The following TIAM1 variants were observed in gnomAD, a reference collection of about 807,000 sequenced individuals.
TIAM1 encodes rho guanine nucleotide exchange factor TIAM1.
A neutral mutation model predicts 163.5 loss-of-function variants in TIAM1; 65 were observed. The ratio of observed to expected loss-of-function variants is 0.40; its 90% CI spans 0.33 to 0.49. The LOEUF is 0.49. Ranked by LOEUF, TIAM1 falls within the 20% of genes least tolerant of loss-of-function variation. The pLI is 0.77. For synonymous variants in TIAM1, 833 were observed against 810.1 expected, an observed-to-expected ratio of 1.03 and a Z score of -0.48; for missense variants, 1,789 against 2,044.7, an observed-to-expected ratio of 0.87 and a Z score of 2.41.
At chr21:31,355,603 G>C (rs1273073820) in intron 2 of TIAM1, among the ~76,000 whole-genome samples, 2 of 151,662 alleles carry the variant, frequency 1.3e-5, no homozygotes, top group Non-Finnish European at 2.9e-5. Flanking sequence ...TCAGGCTGGA[G>C]TGCAGTGATG....
At chr21:31,228,200 C>CATG (rs971565817) in intron 6 of TIAM1, among the ~76,000 whole-genome samples, 1 of 33,528 alleles carries the variant, frequency 3.0e-5, no homozygotes, top group Non-Finnish European at 5.3e-5. Flanking sequence ...TGTGAGCCAC[C>CATG]ATGCCCGGCC....
intron 2 of TIAM1, among the ~76,000 whole-genome samples, chr21:31,430,467 T>C (rs2043987808): frequency 6.6e-6 from 1 of 151,872 alleles, no homozygotes; most frequent in African/African-American, 2.4e-5. Flanking sequence ...ACACAACCAT[T>C]TTTACCACTA....
intron 2 of TIAM1, among the ~76,000 whole-genome samples, chr21:31,278,021 C>A (rs2073379205): frequency 6.6e-6 from 1 of 152,130 alleles, no homozygotes; most frequent in African/African-American, 2.4e-5. Flanking sequence ...AGGTGTTGGA[C>A]AACAGAAACA....
chr21:31,303,989 A>G (rs1341019874), intron 2 of TIAM1, among the ~76,000 whole-genome samples: 1 of 152,218 alleles, frequency 6.6e-6, no homozygotes, highest in East Asian at 1.9e-4. Context: ...AAAAAAAGAA[A>G]AGAAAAGAGA....
chr21:31,460,832 T>C (rs1265628209), intron 2 of TIAM1, among the ~76,000 whole-genome samples: 6 of 152,216 alleles, frequency 3.9e-5, no homozygotes, highest in African/African-American at 9.6e-5. Context: ...TCTTCCACCA[T>C]TTTTAATAAT....
At chr21:31,347,293 C>T (rs1338517668), upstream of TIAM1, among the ~76,000 whole-genome samples, 1 of 152,086 alleles carries the variant, frequency 6.6e-6, no homozygotes, top group African/African-American at 2.4e-5. Flanking sequence ...ACAGCAATAT[C>T]AGAACTGGAG....
chr21:31,124,675 C>A lies in TIAM1; in HGVS notation c.4153G>T (p.Asp1385Tyr). ...ATTGAATGCACAGCCTTTAGGAAAT[C>A]CTTTCGGCTCTCTGGGGAGCTAGGA... Reference protein sequence around the residue: ...LCCSSPESRKDFLKAVHSILR... With the variant: ...LCCSSPESRKYFLKAVHSILR... The change falls in exon 27 of 28, where the codon GAT becomes TAT. Residue 1385 changes from aspartate (D) to tyrosine (Y), a missense_variant. This residue lies in a region of TIAM1 where 415 missense variants were observed against 439.2 expected (regional missense o/e 0.94). Transcript: ENST00000541036. The A allele has an allele frequency of 6.3e-7, 1 of 1,588,958 alleles. No homozygotes were observed. Among genetic ancestry groups the A allele is most frequent in the Non-Finnish European group, 8.6e-7 (1 of 1,166,800 alleles).
intron 2 of TIAM1, among the ~76,000 whole-genome samples, chr21:31,383,672 G>A: frequency 6.6e-6 from 1 of 152,156 alleles, no homozygotes; most frequent in East Asian, 1.9e-4. Flanking sequence ...TGGGACTACA[G>A]GTATCACATC....
intron 2 of TIAM1, among the ~76,000 whole-genome samples, chr21:31,298,735 G>T (rs941375868): frequency 7.2e-6 from 1 of 138,482 alleles, no homozygotes; most frequent in East Asian, 2.1e-4. Context: ...TCCAATTGAG[G>T]GTGTGTGTGT....
Position 31,266,648 on chromosome 21 carries a change from T to C in TIAM1, c.325A>G (p.Thr109Ala). The C allele has an allele frequency of 6.2e-7, 1 of 1,613,984 alleles. No homozygotes were observed. The highest frequency in any genetic ancestry group is 2.2e-5 in the East Asian group (1 of 44,838). Residue 109 changes from threonine to alanine, a missense_variant, in exon 4 of 28, where the codon ACT (threonine) becomes GCT (alanine). Physicochemically the swap from Thr to Ala is moderately conservative, Grantham distance 58. Transcript: ENST00000541036. ...ACGATGCTGCTGTCTACGCTGGGAG[T>C]GACAGAAGAGTCAGTGTAAGACACA... ...RPVSYTDSSV[T>A]PSVDSSIVLT...
intron 15 of TIAM1, among the ~76,000 whole-genome samples, chr21:31,166,365 G>A (rs926477321): frequency 1.3e-5 from 2 of 152,214 alleles, no homozygotes; most frequent in Admixed American, 6.5e-5. Flanking sequence ...TGATGCTTTA[G>A]ATGAAAGATT....
In TIAM1 at chr21:31,412,328, GTA is replaced by G. The variant is rs745903047; in HGVS notation, c.-369+51653_-369+51654del. Among the ~76,000 whole-genome samples the G allele has an allele frequency of 3.9e-5, 6 of 152,070 alleles. No individual in the cohort carries two copies. In the South Asian group the frequency reaches 8.3e-4, roughly 21 times the overall value. On this transcript the variant is annotated intron_variant, in intron 2 of 28. Transcript: ENST00000286827. Reference sequence around the variant, plus strand: ...ATGAGAAATTACTTATGGGCACAATGTATGTTATTTGGGCCATTGGTACTCCA... The same window carrying G: ...ATGAGAAATTACTTATGGGCACAATGTGTTATTTGGGCCATTGGTACTCCA...
intron 1 of TIAM1, among the ~76,000 whole-genome samples, chr21:31,469,627 G>A (rs2045664735): frequency 1.3e-5 from 2 of 152,016 alleles, no homozygotes; most frequent in Admixed American, 1.3e-4. Flanking sequence ...AGGAGATGGA[G>A]ACCATCCTGG....
intron 2 of TIAM1, among the ~76,000 whole-genome samples, chr21:31,374,561 AG>A (rs1428399320): frequency 6.6e-6 from 1 of 152,164 alleles, no homozygotes; most frequent in African/African-American, 2.4e-5. Context: ...TCAAGGTGGA[AG>A]GAAGAGATGG....
chr21:31,337,407 G>A (rs951410944), intron 2 of TIAM1, among the ~76,000 whole-genome samples: 2 of 152,020 alleles, frequency 1.3e-5, no homozygotes, highest in African/African-American at 4.8e-5. Context: ...AAGCACTCAG[G>A]GAGAGGGAAT....
intron 1 of TIAM1, among the ~76,000 whole-genome samples, chr21:31,543,762 C>G (rs181273012): frequency 6.6e-6 from 1 of 152,338 alleles, no homozygotes; most frequent in East Asian, 1.9e-4. Flanking sequence ...GGAGTCCTGT[C>G]AGACAAGATT....
intron 3 of TIAM1, among the ~76,000 whole-genome samples, chr21:31,272,255 CA>C (rs2073089851): frequency 1.3e-5 from 2 of 152,130 alleles, no homozygotes; most frequent in Admixed American, 1.3e-4. Context: ...AAGTGAAAAA[CA>C]AAATGATTGT....
intron 6 of TIAM1, among the ~76,000 whole-genome samples, chr21:31,233,342 T>G (rs1033094445): frequency 1.3e-5 from 2 of 152,222 alleles, no homozygotes; most frequent in African/African-American, 2.4e-5. Context: ...AAGGCTTTTT[T>G]CTTGTTGATT....
intron 2 of TIAM1, among the ~76,000 whole-genome samples, chr21:31,455,405 ATTTAAT>A (rs1471253118): frequency 6.8e-6 from 1 of 146,148 alleles, no homozygotes; most frequent in Non-Finnish European, 1.5e-5. Flanking sequence ...TATCAAAATA[ATTTAAT>A]TTTAATTTTT....
Sources: allele counts gnomAD v4.1 joint callset (sites outside exome capture counted in the v4.1 genomes callset), GRCh38; gene constraint gnomAD v4.1.1; regional missense constraint gnomAD v4.1.1; transcripts MANE v1.5; gene names NCBI Gene and HGNC (gene_info 2026-07-23, HGNC 2026-07-21).